RFESD: variants seen among roughly 807,000 people sequenced by gnomAD.
RFESD encodes Rieske domain-containing protein.
RFESD carries 16 observed loss-of-function variants against 24.4 expected under a neutral mutation model. The ratio of observed to expected loss-of-function variants is 0.66; its 90% confidence interval spans 0.44 to 1.00. The LOEUF (loss-of-function observed/expected upper bound fraction) is 1.00. Among genes scored for constraint, RFESD ranks in the 50% least tolerant of loss-of-function variants. The pLI is 0.00. For synonymous variants in RFESD, 59 were observed against 81.8 expected (o/e 0.72, Z 1.50); for missense variants, 208 against 247.0 (o/e 0.84, Z 1.06).
intron 1 of RFESD, among the ~76,000 whole-genome samples, chr5:95,651,434 G>A (rs2112501010): frequency 6.6e-6 from 1 of 152,210 alleles, no homozygotes; most frequent in Admixed American, 6.5e-5. Flanking sequence ...TCACTCTGTT[G>A]CCCAGGCTGG....
At chr5:95,652,790 T>C (rs1416473295) in intron 2 of RFESD, 1 of 304,080 alleles carries the variant, frequency 3.3e-6, no homozygotes, top group East Asian at 6.6e-5. Context: ...TATTACTTTT[T>C]ATCCCCTACA....
In RFESD at chr5:95,654,097, G is replaced by A; in HGVS notation, c.195G>A (p.Lys65=). 1 of 1,611,782 alleles carries A rather than the reference G, an allele frequency of 6.2e-7. No homozygotes were observed. The highest frequency in any genetic ancestry group is 8.5e-7 in the Non-Finnish European group (1 of 1,179,816). ...ATGGCTCTGCACAAGATCCTGAAAA[G>A]AGGGAATATTCTTCTGTGTGTGTGG... The part of the protein sequence containing the change: ...NLDGSAQDPE[K]REYSSVCVGR... The change falls in exon 4 of 6, where the codon AAG becomes AAA. Residue 65 remains lysine (K), a synonymous_variant. Transcript: ENST00000380005.
chr5:95,654,298 T>A, intron 4 of RFESD, 35 bp from the exon 5 acceptor site: 1 of 1,610,104 alleles, frequency 6.2e-7, no homozygotes, highest in South Asian at 1.1e-5. Flanking sequence ...TTTCAGTTTT[T>A]TAGTGACTGC....
chr5:95,647,920 A>G (rs1199055034), intron 1 of RFESD: 1 of 152,204 alleles, frequency 6.6e-6, no homozygotes, highest in Admixed American at 6.5e-5. Context: ...TTATTCTGCC[A>G]TTCAGAGAGA....
intron 5 of RFESD, among the ~76,000 whole-genome samples, chr5:95,654,615 A>G (rs1387567183): frequency 1.3e-5 from 2 of 152,196 alleles, no homozygotes; most frequent in Non-Finnish European, 2.9e-5. Flanking sequence ...ATTATTTATT[A>G]TAATGAATAA....
Position 95,657,133 on chromosome 5 carries a change from T to A in RFESD, c.*824T>A, listed in dbSNP as rs1750808993. On this transcript the variant is annotated 3_prime_UTR_variant, in exon 6 of 6. Transcript: ENST00000380005. Reference sequence around the variant, plus strand: ...TATGAAATTTTCAAATAAAGATTTTTAAAAACGTTTTAGAACTTTGTGAAT... The same window carrying A: ...TATGAAATTTTCAAATAAAGATTTTAAAAAACGTTTTAGAACTTTGTGAAT... 1.3e-5 allele frequency: 2 copies of A among 152,124 alleles called. No homozygotes were observed. Among genetic ancestry groups the A allele is most frequent in the South Asian group, 2.1e-4 (1 of 4,836 alleles). 9.4% of individuals were successfully genotyped at this position (152,124 alleles called of 1,614,324 possible).
intron 1 of RFESD, chr5:95,647,675 CAA>C (rs1299631512): frequency 3.3e-5 from 5 of 151,664 alleles, no homozygotes; most frequent in Non-Finnish European, 5.9e-5. Flanking sequence ...TCTTTGGTGA[CAA>C]ATATAAATAT....
chr5:95,647,664 A>T (rs1750160679), intron 1 of RFESD: 1 of 151,992 alleles, frequency 6.6e-6, no homozygotes, highest in South Asian at 2.1e-4. Context: ...ATTCAGGACC[A>T]TCTTTGGTGA....
At chr5:95,653,093 C>T in intron 2 of RFESD, 24 bp from the exon 3 acceptor site, 1 of 1,550,900 alleles carries the variant, frequency 6.4e-7, no homozygotes, top group Non-Finnish European at 8.7e-7. Context: ...TTCCTTCAGG[C>T]TTTTGTATTT....
chr5:95,652,241 C>T lies in RFESD; in HGVS notation c.-31C>T, dbSNP rs200989607. 6.5e-7 allele frequency: 1 copy of T among 1,544,840 alleles called. No homozygotes were observed. The highest frequency in any genetic ancestry group is 8.8e-7 in the Non-Finnish European group (1 of 1,142,826). ...ATTGGACACTCTACTGATCTTGCCTCTCTACAACCTCTCTTCCACCTGACC... is the reference window on the plus strand; with the variant it reads ...ATTGGACACTCTACTGATCTTGCCTTTCTACAACCTCTCTTCCACCTGACC... On this transcript the variant is annotated 5_prime_UTR_variant, in exon 2 of 6. Coordinates refer to ENST00000380005, the MANE Select transcript of RFESD (RefSeq NM_001131066.2).
intron 1 of RFESD, among the ~76,000 whole-genome samples, chr5:95,650,593 A>G (rs772711294): frequency 6.6e-6 from 1 of 152,214 alleles, no homozygotes; most frequent in African/African-American, 2.4e-5. Context: ...TAAATGAACC[A>G]TGCTCTTTTT....
intron 1 of RFESD, chr5:95,647,589 C>T (rs1453482279): frequency 6.6e-6 from 1 of 152,016 alleles, no homozygotes; most frequent in East Asian, 1.9e-4. Flanking sequence ...AATTATTGGG[C>T]AAGCGTTCAA....
chr5:95,653,600 T>C (rs970182371), intron 3 of RFESD, among the ~76,000 whole-genome samples: 2 of 152,198 alleles, frequency 1.3e-5, no homozygotes, highest in African/African-American at 4.8e-5. Context: ...ACCTACTTAA[T>C]ATAATCCAGT....
intron 5 of RFESD, 42 bp from the exon 6 acceptor site, chr5:95,656,004 T>A: frequency 1.3e-6 from 2 of 1,587,182 alleles, no homozygotes; most frequent in East Asian, 4.5e-5. Context: ...ATCAAGAACA[T>A]TTGACATGTC....
chr5:95,656,244 C>A lies in RFESD; in HGVS notation c.568C>A (p.Pro190Thr). ...GNIYVTLSNE[P>T]FKCDSDFYAT... is the part of the protein sequence containing the mutation. Reference sequence around the variant, plus strand: ...TATTTATGTGACTCTTTCTAATGAACCTTTTAAGTGTGACTCTGATTTTTA... The same window carrying A: ...TATTTATGTGACTCTTTCTAATGAAACTTTTAAGTGTGACTCTGATTTTTA... Residue 190 changes from proline to threonine, a missense_variant, in exon 6 of 6, where the codon CCT becomes ACT. Coordinates refer to ENST00000380005, the MANE Select transcript of RFESD (RefSeq NM_001131066.2). The A allele has an allele frequency of 1.9e-6, 3 of 1,613,284 alleles. No individual in the cohort carries two copies. In the Admixed American group the frequency reaches 5.0e-5, roughly 27 times the overall value.
intron 1 of RFESD, among the ~76,000 whole-genome samples, chr5:95,650,886 CAGG>C (rs1750294496): frequency 6.6e-6 from 1 of 152,102 alleles, no homozygotes; most frequent in African/African-American, 2.4e-5. Context: ...ATCATGAGGT[CAGG>C]AGATCGAGAC....
At chr5:95,654,540 T>C (rs1489138833) in intron 5 of RFESD, among the ~76,000 whole-genome samples, 173 bp downstream of exon 5, 1 of 152,220 alleles carries the variant, frequency 6.6e-6, no homozygotes, top group African/African-American at 2.4e-5. Context: ...TTATACTCTA[T>C]ATCTATTCTA....
Position 95,656,106 on chromosome 5 carries a change from A to G in RFESD, c.430A>G (p.Thr144Ala), listed in dbSNP as rs768021844. ...GCATAAATACAAAATTACTTTGGCA[A>G]CAGGAGAAGGTCTGTACCAGTCTAT... ...PWHKYKITLA[T>A]GEGLYQSINP... Residue 144 changes from threonine to alanine, a missense_variant, in exon 6 of 6, where the codon ACA becomes GCA. By Grantham distance (58) the Thr-to-Ala change is moderately conservative. Transcript: ENST00000380005. The G allele has an allele frequency of 1.2e-6, 2 of 1,613,754 alleles. No individual in the cohort carries two copies. The highest frequency in any genetic ancestry group is 1.1e-5 in the South Asian group (1 of 91,048).
intron 5 of RFESD, among the ~76,000 whole-genome samples, 168 bp downstream of exon 5, chr5:95,654,535 CTCTATA>C (rs1437429569): frequency 2.0e-5 from 3 of 152,090 alleles, no homozygotes; most frequent in African/African-American, 4.8e-5. Flanking sequence ...AGCAATTATA[CTCTATA>C]TCTATTCTAT....
Sources: allele counts gnomAD v4.1 joint callset (sites outside exome capture counted in the v4.1 genomes callset), GRCh38; gene constraint gnomAD v4.1.1; transcripts MANE v1.5; gene names NCBI Gene and HGNC (gene_info 2026-07-23, HGNC 2026-07-21).